Variants in PLEKHG4 observed in about 807,000 individuals in gnomAD.
PLEKHG4 encodes puratrophin-1.
PLEKHG4 carries 85 observed loss-of-function variants against 136.9 expected under a neutral mutation model. The ratio of observed to expected loss-of-function variants is 0.62; its 90% CI spans 0.52 to 0.74. The LOEUF (loss-of-function observed/expected upper bound fraction) is 0.74. Ranked by LOEUF, PLEKHG4 falls within the 30% of genes least tolerant of loss-of-function variation. PLEKHG4 has a pLI of 0.00. For missense variants in PLEKHG4, 1,317 were observed against 1,527.8 expected, an observed-to-expected ratio of 0.86 and a Z score of 2.30; for synonymous variants, 577 against 646.9, an observed-to-expected ratio of 0.89 and a Z score of 1.64.
In PLEKHG4 at chr16:67,280,293, G is replaced by A. The variant is rs2036152026; in HGVS notation, c.249G>A (p.Gln83=). 1.9e-6 allele frequency: 3 copies of A among 1,613,702 alleles called. No individual in the cohort carries two copies. The highest frequency in any genetic ancestry group is 2.5e-6 in the Non-Finnish European group (3 of 1,180,022). The part of the protein sequence containing the change: ...PPAADESGDA[Q]RGTVESSSVL... ...CTGCAGATGAGTCGGGGGATGCCCA[G>A]AGGGGCACAGTAGAAAGCTCCTCAG... The change falls in exon 2 of 22, where the codon CAG becomes CAA. Residue 83 remains glutamine, a synonymous_variant. Transcript: ENST00000379344. This position sits in a 1 kb window ranked among gnomAD's most constrained non-coding sequence, Gnocchi z 4.4.
Position 67,287,826 on chromosome 16 carries a change from C to A in PLEKHG4, c.3104-72C>A, listed in dbSNP as rs555469400. 741 of 963,262 alleles carry A rather than the reference C, an allele frequency of 7.7e-4. 12 individuals carry two copies. The South Asian group carries it at 9.3e-3, about 12-fold the overall frequency. 59.7% of individuals were successfully genotyped at this position (963,262 alleles called of 1,614,324 possible). A position where few individuals can be genotyped will look rare whatever the true frequency, so the allele number is the denominator to read the frequency against. ...ATGGAGGTGTACAGGAAAGACTTAT[C>A]TGGGGGGTGGTAGAGGCCCAAGGAC... On this transcript the variant is annotated intron_variant, in intron 18 of 21. Coordinates refer to ENST00000379344, the MANE Select transcript of PLEKHG4 (RefSeq NM_001129729.3).
intron 14 of PLEKHG4, 32 bp downstream of exon 14, chr16:67,285,568 G>A (rs756749987): frequency 8.7e-6 from 14 of 1,600,964 alleles, no homozygotes; most frequent in South Asian, 2.2e-5. Context: ...GTATCAGCTC[G>A]TTCTGCCACA....
Position 67,288,922 on chromosome 16 carries a change from T to C in PLEKHG4, c.*114T>C. The C allele has an allele frequency of 1.8e-6, 2 of 1,141,492 alleles. No individual in the cohort carries two copies. The highest frequency in any genetic ancestry group is 2.6e-6 in the Non-Finnish European group (2 of 770,374). The allele number at this position is 1,141,492 out of a possible 1,614,324, so 70.7% of individuals were successfully genotyped here. On this transcript the variant is annotated 3_prime_UTR_variant, in exon 22 of 22. Transcript: ENST00000379344. ...ACACCTGGGCTACCTCCAACCTACA[T>C]GTGCAACGCTGTTGACTACCCTTTC...
chr16:67,289,085 T>C lies in PLEKHG4; in HGVS notation c.*277T>C, dbSNP rs2036626050. 1 of 578,566 alleles carries C rather than the reference T, an allele frequency of 1.7e-6. No individual in the cohort carries two copies. Among genetic ancestry groups the C allele is most frequent in the African/African-American group, 1.9e-5 (1 of 53,632 alleles). 35.8% of individuals were successfully genotyped at this position (578,566 alleles called of 1,614,324 possible). On this transcript the variant is annotated 3_prime_UTR_variant, in exon 22 of 22. Transcript: ENST00000379344. ...TCCCAGTTGTGGGTTAAGAATAGGC[T>C]AGAGCAGACATTGGGTGTTTCCATG...
At chr16:67,283,976 C>G (rs1414716294) in intron 11 of PLEKHG4, among the ~76,000 whole-genome samples, 1 of 151,924 alleles carries the variant, frequency 6.6e-6, no homozygotes, top group Non-Finnish European at 1.5e-5. Context: ...AGAGAGTGGG[C>G]TGAATGACGC....
rs1251162859 is a variant in PLEKHG4 at position 67,286,738 on chromosome 16, C to T, written c.2755-11C>T. On this transcript the variant is annotated splice_polypyrimidine_tract_variant and intron_variant, in intron 16 of 21. Transcript: ENST00000379344. The stretch of plus-strand genomic sequence containing the variant: ...AAGAGGCTGGCCACCCACCAGCCCC[C>T]AACTCTGCAGGTTAACCTCAAGGAA... The T allele has an allele frequency of 6.2e-7, 1 of 1,612,990 alleles. No homozygotes were observed. Among genetic ancestry groups the T allele is most frequent in the African/African-American group, 1.3e-5 (1 of 75,054 alleles).
In PLEKHG4 at chr16:67,288,354, A is replaced by C. The variant is rs1464394396; in HGVS notation, c.3408A>C (p.Glu1136Asp). The C allele has an allele frequency of 6.2e-7, 1 of 1,611,832 alleles. No homozygotes were observed. Residue 1136 changes from glutamate (E) to aspartate (D), a missense_variant, in exon 20 of 22, where the codon GAA becomes GAC. By Grantham distance (45) the Glu-to-Asp change is conservative (BLOSUM62 2). Transcript: ENST00000379344. ...RCPLYPSFPE[E>D]AALEAEAELG... ...CCCTGTATCCCAGCTTCCCAGAGGA[A>C]GCAGCACTGGAGGCTGAGGCAGAGC...
In PLEKHG4 at chr16:67,288,147, T is replaced by A. The variant is rs1253460612; in HGVS notation, c.3221-20T>A. 1 of 1,607,328 alleles carries A rather than the reference T, an allele frequency of 6.2e-7. No individual in the cohort carries two copies. The highest frequency in any genetic ancestry group is 1.1e-5 in the South Asian group (1 of 90,950). ...GGCTAGGCTCTGGCCTGTCCCAACC[T>A]GACCCTCTCTCTTATGCAGAAGTTC... On this transcript the variant is annotated intron_variant, in intron 19 of 21. Coordinates refer to ENST00000379344, the MANE Select transcript of PLEKHG4 (RefSeq NM_001129729.3).
upstream of PLEKHG4, chr16:67,279,291 C>G (rs1009959889): frequency 1.3e-5 from 2 of 152,112 alleles, no homozygotes; most frequent in Non-Finnish European, 2.9e-5. Flanking sequence ...GGCGCGCGGT[C>G]TGCGGGGCCC....
In PLEKHG4 at chr16:67,287,188, GC is replaced by G; in HGVS notation, c.3103+15del. On this transcript the variant is annotated intron_variant, in intron 18 of 21. Transcript: ENST00000379344. ...CCGTCCACAACAAGGGTGGGTCCAT[GC>G]CCCTCCTTCACGCCACACTCCCCTC... 1 of 1,604,104 alleles carries G rather than the reference GC, an allele frequency of 6.2e-7. No homozygotes were observed.
In PLEKHG4 at chr16:67,284,246, C is replaced by G; in HGVS notation, c.1510-29C>G. 1 of 1,606,838 alleles carries G rather than the reference C, an allele frequency of 6.2e-7. No individual in the cohort carries two copies. Among genetic ancestry groups the G allele is most frequent in the Non-Finnish European group, 8.5e-7 (1 of 1,174,912 alleles). ...TGGGGGCTAGACCGCCAGGCCTGGG[C>G]TGGCTGAGCCTAGTCTCTGTCTCTG... On this transcript the variant is annotated intron_variant, in intron 11 of 21. Coordinates refer to ENST00000379344, the MANE Select transcript of PLEKHG4 (RefSeq NM_001129729.3). The surrounding 1 kb of genome is among the most constrained non-coding windows in gnomAD (Gnocchi z 4.4).
intron 8 of PLEKHG4, 32 bp downstream of exon 8, chr16:67,282,139 G>T (rs1597378205): frequency 6.2e-7 from 1 of 1,613,188 alleles, no homozygotes; most frequent in Non-Finnish European, 8.5e-7. Context: ...CTCCATGAAT[G>T]CTCCCTGTCT....
rs1282607280 is a variant in PLEKHG4 at position 67,288,856 on chromosome 16, A to AACATTGCCTCTCTGG, written c.*50_*64dup. The AACATTGCCTCTCTGG allele has an allele frequency of 1.2e-6, 2 of 1,607,468 alleles. No homozygotes were observed. The highest frequency in any genetic ancestry group is 8.5e-7 in the Non-Finnish European group (1 of 1,176,194). On this transcript the variant is annotated 3_prime_UTR_variant, in exon 22 of 22. Transcript: ENST00000379344. The stretch of plus-strand genomic sequence containing the variant: ...GATCCAGCAGCCTGCAGCTCCAAGG[A>AACATTGCCTCTCTGG]ACATTGCCTCTCTGGATCTGCTGTG...
rs2036349784 is a variant in PLEKHG4 at position 67,284,149 on chromosome 16, A to G, written c.1510-126A>G. 1.3e-6 allele frequency: 1 copy of G among 757,628 alleles called. No homozygotes were observed. The highest frequency in any genetic ancestry group is 2.6e-5 in the Admixed American group (1 of 38,922). 46.9% of individuals were successfully genotyped at this position (757,628 alleles called of 1,614,324 possible). On this transcript the variant is annotated intron_variant, in intron 11 of 21. Coordinates refer to ENST00000379344, the MANE Select transcript of PLEKHG4 (RefSeq NM_001129729.3). The surrounding 1 kb of genome is among the most constrained non-coding windows in gnomAD (Gnocchi z 4.4). ...TGGATGTGGGTGGGGAGTAGGAGAT[A>G]CGGGTAGATGTTCCACCACAGGACA... is the stretch of plus-strand genomic sequence containing the variant.
rs148286913 is a variant in PLEKHG4, at chr16:67,281,767, C to T, written c.935C>T (p.Thr312Met). 1.5e-4 allele frequency: 243 copies of T among 1,613,920 alleles called. No homozygotes were observed. Among genetic ancestry groups the T allele is most frequent in the Non-Finnish European group, 1.9e-4 (225 of 1,180,042 alleles). Residue 312 changes from threonine to methionine, a missense_variant, in exon 7 of 22, where the codon ACG becomes ATG. Thr to Met is a moderately conservative substitution (Grantham distance 81). Coordinates refer to ENST00000379344, the MANE Select transcript of PLEKHG4 (RefSeq NM_001129729.3). ...PSQSLLTHIPTAGLPTSLGGG... is the reference protein window; with the variant it reads ...PSQSLLTHIPMAGLPTSLGGG... ...CAGAGCCTGCTGACCCACATCCCAA[C>T]GGCGGGGCTGCCCACTTCGCTAGGA...
rs1266302767 is a variant in PLEKHG4 at position 67,284,135 on chromosome 16, G to A, written c.1510-140G>A. 1 of 684,864 alleles carries A rather than the reference G, an allele frequency of 1.5e-6. No homozygotes were observed. The highest frequency in any genetic ancestry group is 1.8e-5 in the African/African-American group (1 of 55,522). 42.4% of individuals were successfully genotyped at this position (684,864 alleles called of 1,614,324 possible). A position where few individuals can be genotyped will look rare whatever the true frequency, so the allele number is the denominator to read the frequency against. On this transcript the variant is annotated intron_variant, in intron 11 of 21. Transcript: ENST00000379344. This position sits in a 1 kb window ranked among gnomAD's most constrained non-coding sequence, Gnocchi z 4.4. ...GTGGAGAAGGGGAGTGGATGTGGGTGGGGAGTAGGAGATACGGGTAGATGT... is the reference window on the plus strand; with the variant it reads ...GTGGAGAAGGGGAGTGGATGTGGGTAGGGAGTAGGAGATACGGGTAGATGT...
Position 67,286,783 on chromosome 16 carries a change from AG to A in PLEKHG4, c.2791del (p.Asp931MetfsTer140). On this transcript the variant is annotated frameshift_variant, in exon 17 of 22. Transcript: ENST00000379344. LOFTEE classifies it high-confidence loss of function. Reference protein sequence around the residue: ...NLKEQGQLVRQDEFVVRTGRH... With the variant: ...NLKEQGQLVRXDEFVVRTGRH... ...AAGGAACAGGGGCAGCTGGTGCGACAGGATGAGTTTGTGGTGCGCACTGGGC... is the reference window on the plus strand; with the variant it reads ...AAGGAACAGGGGCAGCTGGTGCGACAGATGAGTTTGTGGTGCGCACTGGGC... 2 of 1,614,126 alleles carry A rather than the reference AG, an allele frequency of 1.2e-6. No homozygotes were observed. Among genetic ancestry groups the A allele is most frequent in the Non-Finnish European group, 1.7e-6 (2 of 1,179,946 alleles).
Position 67,280,635 on chromosome 16 carries a change from A to G in PLEKHG4, c.500-76A>G. 1 of 1,611,768 alleles carries G rather than the reference A, an allele frequency of 6.2e-7. No homozygotes were observed. Among genetic ancestry groups the G allele is most frequent in the Non-Finnish European group, 8.5e-7 (1 of 1,178,234 alleles). On this transcript the variant is annotated intron_variant, in intron 2 of 21. Coordinates refer to ENST00000379344, the MANE Select transcript of PLEKHG4 (RefSeq NM_001129729.3). The surrounding 1 kb of genome is among the most constrained non-coding windows in gnomAD (Gnocchi z 4.4). ...ACTTTGGAGGTCTCTGACCCTACTC[A>G]GGCTGAAGCCCGGGTCCAAGTAGGG... is the stretch of plus-strand genomic sequence containing the variant.
rs141728585 is a variant in PLEKHG4, at chr16:67,284,973, G to A, written c.1953G>A (p.Pro651=). 5.2e-5 allele frequency: 84 copies of A among 1,613,206 alleles called. No homozygotes were observed. Among genetic ancestry groups the A allele is most frequent in the Middle Eastern group, 3.3e-4 (2 of 6,062 alleles). Residue 651 remains proline (P), a synonymous_variant, in exon 13 of 22, where the codon CCG becomes CCA. Transcript: ENST00000379344. This position sits in a 1 kb window ranked among gnomAD's most constrained non-coding sequence, Gnocchi z 4.4. The stretch of plus-strand genomic sequence containing the variant: ...TTGAGGCTTCACTGAAGCTACCACC[G>A]GTGGGCAGCACAGCTAGCCTGTGTG... ...QKLEASLKLP[P]VGSTASLCVS...
Sources: allele counts gnomAD v4.1 joint callset (sites outside exome capture counted in the v4.1 genomes callset), GRCh38; gene constraint gnomAD v4.1.1; non-coding constraint Gnocchi (gnomAD v3.1); transcripts MANE v1.5; gene names NCBI Gene and HGNC (gene_info 2026-07-23, HGNC 2026-07-21).